The following PRKCI variants were observed in gnomAD, a reference collection of about 807,000 sequenced individuals.
PRKCI encodes protein kinase C iota.
A neutral mutation model predicts 84.0 loss-of-function variants in PRKCI; 43 were observed. The observed-to-expected ratio is 0.51, with a 90% CI of 0.40 to 0.66. The LOEUF (loss-of-function observed/expected upper bound fraction) is 0.66, where lower values mean the gene tolerates loss of function less well. Among genes scored for constraint, PRKCI ranks in the 30% least tolerant of loss-of-function variants. PRKCI has a pLI of 0.00. For missense variants in PRKCI, 459 were observed against 745.6 expected, an observed-to-expected ratio of 0.62 and a Z score of 4.48; for synonymous variants, 216 against 234.4, an observed-to-expected ratio of 0.92 and a Z score of 0.72.
intron 2 of PRKCI, among the ~76,000 whole-genome samples, chr3:170,245,697 T>C (rs555136803): frequency 6.6e-6 from 1 of 152,270 alleles, no homozygotes; most frequent in East Asian, 1.9e-4. Flanking sequence ...CAATCACTGA[T>C]CTGCTTTCTG....
At chr3:170,296,538 T>C (rs1357965072) in intron 15 of PRKCI, among the ~76,000 whole-genome samples, 2 of 152,212 alleles carry the variant, frequency 1.3e-5, no homozygotes, top group Non-Finnish European at 2.9e-5. Flanking sequence ...TCTAGGAGTG[T>C]GGTCTTGGCA....
chr3:170,248,700 G>A (rs914330926), intron 2 of PRKCI, among the ~76,000 whole-genome samples: 1 of 152,208 alleles, frequency 6.6e-6, no homozygotes, highest in Middle Eastern at 3.4e-3. Context: ...CTTCCTTATG[G>A]TTATTCAGAA....
At chr3:170,279,188 C>T (rs1057228790) in intron 8 of PRKCI, among the ~76,000 whole-genome samples, 18 of 152,076 alleles carry the variant, frequency 1.2e-4, no homozygotes, top group Non-Finnish European at 1.9e-4. Context: ...CACCAACATC[C>T]GGCTAATTTT....
chr3:170,251,845 G>A (rs6810080), intron 2 of PRKCI, among the ~76,000 whole-genome samples: 32,714 of 151,726 alleles, frequency 0.22, 3,880 homozygotes, highest in African/African-American at 0.32. Flanking sequence ...AGGAAGTGGA[G>A]GTTGCAGTGA....
intron 12 of PRKCI, among the ~76,000 whole-genome samples, chr3:170,286,626 TGGG>T (rs1734400931): frequency 6.6e-6 from 1 of 151,688 alleles, no homozygotes; most frequent in South Asian, 2.1e-4. Flanking sequence ...AGCAGTTTGA[TGGG>T]GGAATTATCA....
intron 5 of PRKCI, among the ~76,000 whole-genome samples, chr3:170,269,925 T>A (rs1733957629): frequency 6.6e-6 from 1 of 151,402 alleles, no homozygotes; most frequent in Non-Finnish European, 1.5e-5. Context: ...GCCATTGCAT[T>A]CCAGCCTGGG....
At chr3:170,255,413 G>A (rs1197941329) in intron 2 of PRKCI, among the ~76,000 whole-genome samples, 2 of 151,980 alleles carry the variant, frequency 1.3e-5, no homozygotes, top group African/African-American at 4.8e-5. Context: ...TTTATTTGCA[G>A]TTACTGTAAA....
chr3:170,256,252 A>G (rs1733581319), intron 2 of PRKCI, among the ~76,000 whole-genome samples: 1 of 152,166 alleles, frequency 6.6e-6, no homozygotes, highest in Non-Finnish European at 1.5e-5. Flanking sequence ...TATTTTGAGT[A>G]GGATTGGTAT....
In PRKCI at chr3:170,253,695, G is replaced by T. The variant is rs184437381; in HGVS notation, c.224-6274G>T. On this transcript the variant is annotated intron_variant, in intron 2 of 17. Coordinates refer to ENST00000295797, the MANE Select transcript of PRKCI (RefSeq NM_002740.6). ...AGTCCCAGCTACTCAGGAGGCTGAGGCAAGAGAATGGCATGAACCTGGGAG... is the reference window on the plus strand; with the variant it reads ...AGTCCCAGCTACTCAGGAGGCTGAGTCAAGAGAATGGCATGAACCTGGGAG... Among the ~76,000 whole-genome samples the T allele has an allele frequency of 1.0e-3, 152 of 152,272 alleles. 1 individual carries two copies. The highest frequency in any genetic ancestry group is 3.5e-3 in the African/African-American group (144 of 41,552).
At chr3:170,236,687 C>A (rs111896359) in intron 2 of PRKCI, among the ~76,000 whole-genome samples, 2 of 151,856 alleles carry the variant, frequency 1.3e-5, no homozygotes, top group African/African-American at 4.8e-5. Flanking sequence ...CATTGTGAGA[C>A]CCTGTCTCTA....
rs71634462 is a variant in PRKCI, at chr3:170,258,315, CT to C, written c.224-1644del. On this transcript the variant is annotated intron_variant, in intron 2 of 17. Transcript: ENST00000295797. Reference sequence around the variant, plus strand: ...GTCCAAACTAGGCTTTAAATGACTTCTTTTTTTTTTGAGACAGTCTTGCTTT... The same window carrying C: ...GTCCAAACTAGGCTTTAAATGACTTCTTTTTTTTTGAGACAGTCTTGCTTT... Among the ~76,000 whole-genome samples the C allele has an allele frequency of 4.3e-3, 635 of 147,610 alleles. 10 individuals are homozygous for C. The highest frequency in any genetic ancestry group is 0.015 in the African/African-American group (604 of 40,380).
intron 15 of PRKCI, 141 bp downstream of exon 15, chr3:170,296,131 C>A: frequency 2.3e-6 from 1 of 442,934 alleles, no homozygotes; most frequent in African/African-American, 2.0e-5. Flanking sequence ...TTGTCTCTTA[C>A]CCAAAGAGTA....
intron 1 of PRKCI, among the ~76,000 whole-genome samples, chr3:170,232,533 A>G (rs2108835981): frequency 6.6e-6 from 1 of 151,770 alleles, no homozygotes; most frequent in South Asian, 2.1e-4. Context: ...TTTTCAGATA[A>G]CATTGAGACT....
At chr3:170,268,078 T>C (rs553730638) in intron 5 of PRKCI, 78 bp downstream of exon 5, 57 of 1,193,226 alleles carry the variant, frequency 4.8e-5, no homozygotes, top group Non-Finnish European at 6.8e-5. Context: ...AGGTAGTTTG[T>C]TATTAAGTCT....
intron 1 of PRKCI, among the ~76,000 whole-genome samples, chr3:170,224,073 C>G (rs1482135651): frequency 1.3e-4 from 15 of 117,578 alleles, no homozygotes; most frequent in African/African-American, 4.8e-4. Flanking sequence ...CCCCTCCCCC[C>G]ACCCCACAAC....
rs777677891 is a variant in PRKCI, at chr3:170,242,795, C to T, written c.223+7444C>T. Among the ~76,000 whole-genome samples the T allele has an allele frequency of 2.6e-5, 4 of 151,790 alleles. No homozygotes were observed. The South Asian group carries it at 6.2e-4, about 24-fold the overall frequency. On this transcript the variant is annotated intron_variant, in intron 2 of 17. Transcript: ENST00000295797. ...AAGCGATTGTCCTGCCTCAACCTCC[C>T]GAGTAGCTGGGATTACAGACACCTG...
chr3:170,281,116 A>C, intron 9 of PRKCI, 50 bp from the exon 10 acceptor site: 1 of 1,465,300 alleles, frequency 6.8e-7, no homozygotes, highest in Non-Finnish European at 9.5e-7. Context: ...CAAATTTATC[A>C]TTAATTGTGA....
intron 17 of PRKCI, among the ~76,000 whole-genome samples, chr3:170,299,444 C>G (rs965879875): frequency 1.3e-5 from 2 of 152,190 alleles, no homozygotes; most frequent in Non-Finnish European, 2.9e-5. Flanking sequence ...CCAGGCTGAT[C>G]TTGAACTCCA....
chr3:170,274,381 G>A (rs1252377009), intron 7 of PRKCI, among the ~76,000 whole-genome samples: 3 of 152,244 alleles, frequency 2.0e-5, no homozygotes, highest in East Asian at 1.9e-4. Flanking sequence ...TAATCCACCC[G>A]CCTTGGCCTC....
Sources: allele counts gnomAD v4.1 joint callset (sites outside exome capture counted in the v4.1 genomes callset), GRCh38; gene constraint gnomAD v4.1.1; transcripts MANE v1.5; gene names NCBI Gene and HGNC (gene_info 2026-07-23, HGNC 2026-07-21).